Variants in RC3H1 observed in about 807,000 individuals in gnomAD.
The protein encoded by RC3H1 is roquin-1.
A neutral mutation model predicts 138.2 loss-of-function variants in RC3H1; 50 were observed. That is an observed-to-expected ratio of 0.36 (90% confidence interval 0.29 to 0.46). The LOEUF (loss-of-function observed/expected upper bound fraction) is 0.46, where lower values mean the gene tolerates loss of function less well. Among genes scored for constraint, RC3H1 ranks in the 20% least tolerant of loss-of-function variants. The probability of loss-of-function intolerance (pLI) is 1.00; values close to 1 mark genes in which losing one functional copy is unlikely to be tolerated. For synonymous variants in RC3H1, 462 were observed against 489.1 expected, an observed-to-expected ratio of 0.94 and a Z score of 0.73; for missense variants, 1,031 against 1,388.1, an observed-to-expected ratio of 0.74 and a Z score of 4.09.
intron 5 of RC3H1, among the ~76,000 whole-genome samples, chr1:173,982,278 C>T (rs925593963): frequency 6.6e-6 from 1 of 151,618 alleles, no homozygotes. Flanking sequence ...ACTCGGGAGG[C>T]TGAGACAGGA....
intron 11 of RC3H1, 40 bp from the exon 12 acceptor site, chr1:173,962,135 C>A: frequency 6.5e-7 from 1 of 1,528,632 alleles, no homozygotes; most frequent in Non-Finnish European, 8.8e-7. Context: ...AAATAATGAG[C>A]CAATTTAGTT....
intron 2 of RC3H1, 35 bp downstream of exon 2, chr1:173,992,718 AGG>A: frequency 1.4e-6 from 2 of 1,406,276 alleles, no homozygotes; most frequent in Non-Finnish European, 2.0e-6. Flanking sequence ...AGAGAGAGAG[AGG>A]GAGAAATTTA....
At chr1:173,945,449 TG>T (rs1411707981) in intron 17 of RC3H1, among the ~76,000 whole-genome samples, 2 of 152,098 alleles carry the variant, frequency 1.3e-5, no homozygotes, top group Non-Finnish European at 2.9e-5. Context: ...TCTTTAGTTT[TG>T]TTTTTCTAAG....
Position 173,950,420 on chromosome 1 carries a change from C to CAAAAAAAAA in RC3H1, c.2523+1557_2523+1565dup, listed in dbSNP as rs60259705. Among the ~76,000 whole-genome samples, 63 of 63,652 alleles carry CAAAAAAAAA rather than the reference C, an allele frequency of 9.9e-4. 3 individuals are homozygous for CAAAAAAAAA. Among genetic ancestry groups the CAAAAAAAAA allele is most frequent in the African/African-American group, 4.2e-3 (61 of 14,398 alleles). The allele number at this position is 63,652 out of a possible 152,430, so 41.8% of individuals were successfully genotyped here. ...CAACATAGCAAGACCTCATCTCTAC[C>CAAAAAAAAA]AAAAAAAAAAAAAAAAAAAAAGAGC... On this transcript the variant is annotated intron_variant, in intron 14 of 19. Transcript: ENST00000367696.
intron 17 of RC3H1, among the ~76,000 whole-genome samples, chr1:173,944,220 C>T (rs1165379589): frequency 6.7e-6 from 1 of 150,298 alleles, no homozygotes; most frequent in African/African-American, 2.4e-5. Context: ...AAGTCAACTA[C>T]AGATGTGCAT....
Position 173,934,588 on chromosome 1 carries a change from A to G in RC3H1, c.*4133T>C, listed in dbSNP as rs1036010508. On this transcript the variant is annotated 3_prime_UTR_variant, in exon 20 of 20. Transcript: ENST00000367696. ...GCACAAGTCTTTGGCTCTCCTTTAA[A>G]GAAAACAGCAGGTTACCATTCTTAA... is the stretch of plus-strand genomic sequence containing the variant. 2 of 152,244 alleles carry G rather than the reference A, an allele frequency of 1.3e-5. No homozygotes were observed. Among genetic ancestry groups the G allele is most frequent in the Non-Finnish European group, 2.9e-5 (2 of 68,046 alleles). The allele number at this position is 152,244 out of a possible 1,614,324, so 9.4% of individuals were successfully genotyped here.
intron 12 of RC3H1, 37 bp from the exon 13 acceptor site, chr1:173,961,281 T>G: frequency 6.4e-7 from 1 of 1,559,236 alleles, no homozygotes; most frequent in Non-Finnish European, 8.8e-7. Context: ...TGAAAGAGAA[T>G]TTCAGGACAG....
chr1:173,974,277 C>CAAAAAAAAAAA (rs571801899), intron 7 of RC3H1, among the ~76,000 whole-genome samples: 1 of 47,190 alleles, frequency 2.1e-5, no homozygotes, highest in Non-Finnish European at 3.8e-5. Flanking sequence ...GAGACTGTCT[C>CAAAAAAAAAAA]AAAAAAAAAA....
At chr1:173,942,373 C>T (rs1273976754) in intron 18 of RC3H1, among the ~76,000 whole-genome samples, 1 of 134,298 alleles carries the variant, frequency 7.4e-6, no homozygotes, top group Non-Finnish European at 1.5e-5. Context: ...GCGGAGGTTG[C>T]AGTGAGCTGA....
At chr1:173,985,539 A>C (rs1436395914) in intron 2 of RC3H1, among the ~76,000 whole-genome samples, 4 of 140,074 alleles carry the variant, frequency 2.9e-5, no homozygotes, top group Non-Finnish European at 6.3e-5. Flanking sequence ...ATTTTAAATT[A>C]ATAATAATTG....
intron 1 of RC3H1, among the ~76,000 whole-genome samples, chr1:173,998,905 C>CA (rs1300974228): frequency 6.6e-6 from 1 of 151,682 alleles, no homozygotes; most frequent in Non-Finnish European, 1.5e-5. Flanking sequence ...TCAACCTGGC[C>CA]AAAAAGGCAA....
At chr1:174,008,939 T>C (rs983648770) in intron 1 of RC3H1, among the ~76,000 whole-genome samples, 4 of 138,246 alleles carry the variant, frequency 2.9e-5, no homozygotes, top group African/African-American at 5.6e-5. Flanking sequence ...ATCGTACCAC[T>C]GCACTCCAGC....
intron 1 of RC3H1, among the ~76,000 whole-genome samples, chr1:174,003,419 A>ACACGT (rs2103072625): frequency 6.6e-6 from 1 of 150,498 alleles, no homozygotes; most frequent in South Asian, 2.1e-4. Flanking sequence ...ACACACACAC[A>ACACGT]CGTACGGGGA....
chr1:173,943,684 A>C, intron 17 of RC3H1, 69 bp from the exon 18 acceptor site: 86 of 1,454,330 alleles, frequency 5.9e-5, no homozygotes, highest in Non-Finnish European at 7.2e-5. Flanking sequence ...AACCAGGCTC[A>C]ATTCCAGACC....
intron 14 of RC3H1, among the ~76,000 whole-genome samples, chr1:173,950,476 C>A (rs1156789666): frequency 6.8e-6 from 1 of 147,482 alleles, no homozygotes; most frequent in Non-Finnish European, 1.5e-5. Context: ...TGTGTCCCAG[C>A]TACTTGGGAG....
chr1:174,010,064 T>C (rs1661722761), intron 1 of RC3H1, among the ~76,000 whole-genome samples: 1 of 152,136 alleles, frequency 6.6e-6, no homozygotes, highest in African/African-American at 2.4e-5. Context: ...ATTCCTTCTG[T>C]AATCTTTCTT....
intron 11 of RC3H1, among the ~76,000 whole-genome samples, chr1:173,963,179 T>C (rs531556897): frequency 6.6e-6 from 1 of 152,280 alleles, no homozygotes; most frequent in African/African-American, 2.4e-5. Context: ...ATTTTTGAAA[T>C]CCCTTCTTCT....
At chr1:173,939,938 G>A (rs1449055244) in intron 19 of RC3H1, among the ~76,000 whole-genome samples, 1 of 152,088 alleles carries the variant, frequency 6.6e-6, no homozygotes, top group Admixed American at 6.6e-5. Context: ...CATCAGGGGG[G>A]CAACTTAGGA....
chr1:173,940,052 G>C (rs1658777347), intron 19 of RC3H1, among the ~76,000 whole-genome samples: 1 of 152,174 alleles, frequency 6.6e-6, no homozygotes, highest in African/African-American at 2.4e-5. Flanking sequence ...CATGGTAGTT[G>C]ATATGTATCT....
Sources: gnomAD v4.1 joint callset for allele counts (sites outside exome capture counted in the v4.1 genomes callset) on GRCh38, gnomAD v4.1.1 for gene constraint, MANE v1.5 for transcripts, NCBI Gene and HGNC (gene_info 2026-07-23, HGNC 2026-07-21) for gene names.